Variants in AKAP13 observed in about 807,000 individuals in gnomAD.
AKAP13 encodes the protein A-kinase anchoring protein 13, also known as A-kinase anchor protein 13.
Under a neutral mutation model 264.5 loss-of-function variants are expected in AKAP13, and 80 were observed. The observed-to-expected ratio is 0.30, with a 90% CI of 0.25 to 0.36. AKAP13 has a LOEUF of 0.36. Among genes scored for constraint, AKAP13 ranks in the 10% least tolerant of loss-of-function variants. The probability of loss-of-function intolerance (pLI) is 1.00; values close to 1 mark genes in which losing one functional copy is unlikely to be tolerated. For missense variants in AKAP13, 3,712 were observed against 3,435.2 expected (o/e 1.08, Z -2.01); for synonymous variants, 1,380 against 1,250.2 (o/e 1.10, Z -2.19).
At position 85,731,916 on chromosome 15, in the gene AKAP13, C is replaced by T. The variant is rs190226576; in HGVS notation, c.7282+1209C>T. ...TGGCCCACATGGTGCAACCCTATCC[C>T]TACTAAAAATACAAAAATTAGCCAG... On this transcript the variant is annotated intron_variant, in intron 30 of 36. Coordinates refer to ENST00000394518, the MANE Select transcript of AKAP13 (RefSeq NM_007200.5). 3.9e-5 allele frequency among the ~76,000 whole-genome samples: 6 copies of T among 152,110 alleles called. No individual in the cohort carries two copies. The East Asian group carries it at 1.2e-3, about 29-fold the overall frequency.
At chr15:85,586,321 A>G (rs1430814822) in intron 8 of AKAP13, among the ~76,000 whole-genome samples, 1 of 151,614 alleles carries the variant, frequency 6.6e-6, no homozygotes, top group African/African-American at 2.4e-5. Flanking sequence ...CTCCTGCCTA[A>G]TTTCAGCTGT....
rs556157899 is a variant in AKAP13, at chr15:85,745,373, G to A, written c.*696G>A. 6.6e-5 allele frequency: 10 copies of A among 152,120 alleles called. No homozygotes were observed. The highest frequency in any genetic ancestry group is 2.2e-4 in the African/African-American group (9 of 41,402). 9.4% of individuals were successfully genotyped at this position (152,120 alleles called of 1,614,324 possible). A position where few individuals can be genotyped will look rare whatever the true frequency, so the allele number is the denominator to read the frequency against. On this transcript the variant is annotated 3_prime_UTR_variant, in exon 37 of 37. Coordinates refer to ENST00000394518, the MANE Select transcript of AKAP13 (RefSeq NM_007200.5). ...AGAAGGCTTGATGTGTATAAAAGAC[G>A]TGATGTGCACCACCTCGATCTCGGT...
At chr15:85,601,679 T>C (rs1391741920) in intron 8 of AKAP13, among the ~76,000 whole-genome samples, 2 of 147,622 alleles carry the variant, frequency 1.4e-5, no homozygotes, top group Admixed American at 6.9e-5. Flanking sequence ...GTATTCCTTA[T>C]AACCCATCAG....
intron 5 of AKAP13, among the ~76,000 whole-genome samples, chr15:85,564,598 A>G (rs750305507): frequency 1.3e-5 from 2 of 152,202 alleles, no homozygotes; most frequent in Admixed American, 6.5e-5. Flanking sequence ...TCTGGATCAC[A>G]CACTGGATTT....
chr15:85,464,014 T>A (rs2074628020), intron 1 of AKAP13, among the ~76,000 whole-genome samples: 1 of 152,194 alleles, frequency 6.6e-6, no homozygotes, highest in Admixed American at 6.5e-5. Context: ...AGTTTTGAAT[T>A]ACTGCTCCCG....
At chr15:85,630,443 C>T (rs917832831) in intron 8 of AKAP13, among the ~76,000 whole-genome samples, 4 of 152,198 alleles carry the variant, frequency 2.6e-5, no homozygotes, top group Admixed American at 6.5e-5. Context: ...AGTGAACACA[C>T]ATTTCATTGT....
intron 23 of AKAP13, among the ~76,000 whole-genome samples, chr15:85,720,698 T>C (rs1041688468): frequency 6.6e-6 from 1 of 152,224 alleles, no homozygotes; most frequent in Admixed American, 6.5e-5. Flanking sequence ...AGAGGCTTAA[T>C]TGTTGGAACA....
chr15:85,402,788 T>C (rs1222190642), intron 1 of AKAP13, among the ~76,000 whole-genome samples: 1 of 152,146 alleles, frequency 6.6e-6, no homozygotes, highest in Non-Finnish European at 1.5e-5. Flanking sequence ...CTTACTAAGA[T>C]TGTGTAGCTT....
chr15:85,577,141 A>G (rs1233305261), intron 6 of AKAP13, among the ~76,000 whole-genome samples: 1 of 152,250 alleles, frequency 6.6e-6, no homozygotes, highest in East Asian at 1.9e-4. Context: ...TCTACTAGAA[A>G]GACTTTAACA....
intron 8 of AKAP13, among the ~76,000 whole-genome samples, chr15:85,618,581 A>G (rs1004512975): frequency 6.6e-6 from 1 of 152,088 alleles, no homozygotes; most frequent in Non-Finnish European, 1.5e-5. Context: ...AGGTGAGAGA[A>G]TGCATTCTGA....
At chr15:85,519,390 G>GGTCATAGTTTGTCAACCTA (rs1195457310) in intron 2 of AKAP13, among the ~76,000 whole-genome samples, 1 of 152,108 alleles carries the variant, frequency 6.6e-6, no homozygotes, top group Non-Finnish European at 1.5e-5. Context: ...TTGACTTGTG[G>GGTCATAGTTTGTCAACCTA]GTCATAGTTT....
intron 5 of AKAP13, among the ~76,000 whole-genome samples, chr15:85,568,388 A>G (rs2078686185): frequency 6.6e-6 from 1 of 152,216 alleles, no homozygotes; most frequent in African/African-American, 2.4e-5. Flanking sequence ...TGGAAAAGCG[A>G]TCAGTAAGCC....
intron 9 of AKAP13, among the ~76,000 whole-genome samples, chr15:85,644,665 C>A (rs73454416): frequency 0.14 from 17,431 of 126,872 alleles, 1,786 homozygotes; most frequent in East Asian, 0.38. Flanking sequence ...CTGGCTAACA[C>A]GGTGAAACCT....
At chr15:85,462,344 G>A (rs1198879811) in intron 1 of AKAP13, among the ~76,000 whole-genome samples, 1 of 152,172 alleles carries the variant, frequency 6.6e-6, no homozygotes, top group Non-Finnish European at 1.5e-5. Flanking sequence ...CCATCAGAAT[G>A]GGGCATCCAC....
In AKAP13 at chr15:85,746,159, A is replaced by T. The variant is rs2089362499; in HGVS notation, c.*1482A>T. On this transcript the variant is annotated 3_prime_UTR_variant, in exon 37 of 37. Transcript: ENST00000394518. ...AAGCATGGGGCTTTTGAGCACACTT[A>T]AAAAAAGAAAAATCTGTAACTTGGT... 1 of 152,456 alleles carries T rather than the reference A, an allele frequency of 6.6e-6. No homozygotes were observed. The allele number at this position is 152,456 out of a possible 1,614,324, so 9.4% of individuals were successfully genotyped here. A position where few individuals can be genotyped will look rare whatever the true frequency, so the allele number is the denominator to read the frequency against.
rs185562752 is a variant in AKAP13, at chr15:85,724,412, G to A, written c.6745+1092G>A. Among the ~76,000 whole-genome samples, 3 of 152,088 alleles carry A rather than the reference G, an allele frequency of 2.0e-5. No individual in the cohort carries two copies. The highest frequency in any genetic ancestry group is 2.9e-5 in the Non-Finnish European group (2 of 68,002). On this transcript the variant is annotated intron_variant, in intron 26 of 36. Coordinates refer to ENST00000394518, the MANE Select transcript of AKAP13 (RefSeq NM_007200.5). This position sits in a 1 kb window ranked among gnomAD's most constrained non-coding sequence, Gnocchi z 4.2. ...ATAGAGTCAAGTCTTGAAGGATGACGGCACATAAGGAGAAAGTGTTCCCCA... is the reference window on the plus strand; with the variant it reads ...ATAGAGTCAAGTCTTGAAGGATGACAGCACATAAGGAGAAAGTGTTCCCCA...
intron 14 of AKAP13, among the ~76,000 whole-genome samples, chr15:85,677,310 G>A (rs1248386812): frequency 1.3e-5 from 2 of 152,246 alleles, no homozygotes; most frequent in African/African-American, 2.4e-5. Context: ...TGAGCTACTG[G>A]CCTCCTGATT....
At chr15:85,512,903 C>T (rs146819868) in intron 2 of AKAP13, among the ~76,000 whole-genome samples, 12,195 of 152,032 alleles carry the variant, frequency 0.08, 681 homozygotes, top group Middle Eastern at 0.16. Context: ...GTAGCCCAGG[C>T]TGGAGTGCAG....
At chr15:85,700,332 T>C (rs1170410298) in intron 17 of AKAP13, among the ~76,000 whole-genome samples, 2 of 152,222 alleles carry the variant, frequency 1.3e-5, no homozygotes, top group Non-Finnish European at 2.9e-5. Flanking sequence ...AATTCTCTTT[T>C]ACTGGACTCC....
Sources: allele counts gnomAD v4.1 joint callset (sites outside exome capture counted in the v4.1 genomes callset), GRCh38; gene constraint gnomAD v4.1.1; non-coding constraint Gnocchi (gnomAD v3.1); transcripts MANE v1.5; gene names NCBI Gene and HGNC (gene_info 2026-07-23, HGNC 2026-07-21).